SGCD: variants seen among roughly 807,000 people sequenced by gnomAD.
SGCD encodes sarcoglycan delta.
A neutral mutation model predicts 36.6 loss-of-function variants in SGCD; 18 were observed. The observed-to-expected ratio is 0.49, with a 90% CI of 0.34 to 0.73. SGCD has a LOEUF of 0.73. Among genes scored for constraint, SGCD ranks in the 30% least tolerant of loss-of-function variants. The pLI, the probability that SGCD is intolerant of heterozygous loss-of-function variation, is 0.01. For synonymous variants in SGCD, 133 were observed against 130.6 expected (o/e 1.02, Z -0.12); for missense variants, 387 against 346.7 (o/e 1.12, Z -0.92).
rs75443146 is a variant in SGCD, at chr5:156,621,539, T to G, written c.503-25925T>G. ...TACGTTAAAAAAAAAATGTGCGTTA[T>G]GGGAGCAAAGTATAAAATGCTATGG... is the stretch of plus-strand genomic sequence containing the variant. On this transcript the variant is annotated intron_variant, in intron 6 of 8. Transcript: ENST00000337851. 2.5e-3 allele frequency among the ~76,000 whole-genome samples: 382 copies of G among 152,216 alleles called. 1 individual carries two copies. Among genetic ancestry groups the G allele is most frequent in the African/African-American group, 8.7e-3 (363 of 41,532 alleles).
At chr5:156,106,454 T>G (rs189404203) in intron 1 of SGCD, among the ~76,000 whole-genome samples, 222 of 152,322 alleles carry the variant, frequency 1.5e-3, no homozygotes, top group African/African-American at 4.9e-3. Flanking sequence ...GTTTTGTTCT[T>G]CCTTTTAAAT....
chr5:156,528,887 A>G (rs1316837131), intron 4 of SGCD, among the ~76,000 whole-genome samples: 1 of 152,208 alleles, frequency 6.6e-6, no homozygotes, highest in East Asian at 1.9e-4. Context: ...TGGCATTTCA[A>G]CATCATCTAA....
chr5:156,759,102 T>C, intron 8 of SGCD, 115 bp from the exon 9 acceptor site: 2 of 771,010 alleles, frequency 2.6e-6, no homozygotes, highest in East Asian at 2.6e-5. Context: ...AATCAACACA[T>C]AGTAGGTGCT....
intron 3 of SGCD, among the ~76,000 whole-genome samples, chr5:156,319,850 A>G (rs1456442205): frequency 1.3e-5 from 2 of 152,240 alleles, no homozygotes; most frequent in Non-Finnish European, 2.9e-5. Flanking sequence ...ACAGCTCACC[A>G]GTTGAGAGAT....
intron 1 of SGCD, among the ~76,000 whole-genome samples, chr5:155,927,395 G>A (rs970811452): frequency 1.3e-5 from 2 of 152,154 alleles, no homozygotes; most frequent in Non-Finnish European, 2.9e-5. Context: ...ACAAGTTGGA[G>A]CCAAGGAGAA....
chr5:156,713,540 G>T (rs1188037689), intron 7 of SGCD, among the ~76,000 whole-genome samples: 1 of 152,156 alleles, frequency 6.6e-6, no homozygotes, highest in Non-Finnish European at 1.5e-5. Context: ...ACGCTTCTCT[G>T]TCAGAACCTT....
Position 155,908,864 on chromosome 5 carries a change from A to C in SGCD, c.-282+38440A>C, listed in dbSNP as rs185057853. On this transcript the variant is annotated intron_variant, in intron 1 of 9. Coordinates refer to the SGCD transcript ENST00000517913. ...TGGCAACCCTCTGTCAATGGACTTC[A>C]AAAAGCGCAATCTACCTTGCACCAT... is the stretch of plus-strand genomic sequence containing the variant. Among the ~76,000 whole-genome samples the C allele has an allele frequency of 4.2e-3, 645 of 152,242 alleles. 3 individuals are homozygous for C. The highest frequency in any genetic ancestry group is 6.4e-3 in the Non-Finnish European group (433 of 68,000).
chr5:156,234,090 T>C (rs1765093273), intron 3 of SGCD, among the ~76,000 whole-genome samples: 1 of 152,216 alleles, frequency 6.6e-6, no homozygotes, highest in Non-Finnish European at 1.5e-5. Flanking sequence ...GCTATTCTAA[T>C]AGGTGTTCGT....
intron 3 of SGCD, among the ~76,000 whole-genome samples, chr5:156,502,309 G>A (rs151059921): frequency 0.029 from 4,410 of 152,128 alleles, 97 homozygotes; most frequent in Non-Finnish European, 0.045. Flanking sequence ...GCCTCCCAAA[G>A]TGCTGGGATT....
chr5:156,647,935 A>T (rs1175740598), intron 7 of SGCD, among the ~76,000 whole-genome samples: 1 of 152,176 alleles, frequency 6.6e-6, no homozygotes, highest in East Asian at 1.9e-4. Context: ...GCTCTCTATT[A>T]CTTGGGGTGG....
intron 6 of SGCD, among the ~76,000 whole-genome samples, chr5:156,614,967 C>T (rs748254013): frequency 4.6e-5 from 7 of 152,150 alleles, no homozygotes; most frequent in Admixed American, 2.6e-4. Context: ...TTGCCACCCC[C>T]GGTTTTTCCA....
intron 1 of SGCD, among the ~76,000 whole-genome samples, chr5:156,089,726 G>A (rs1057229418): frequency 6.6e-6 from 1 of 152,188 alleles, no homozygotes; most frequent in African/African-American, 2.4e-5. Flanking sequence ...TAAGTTTTGG[G>A]ATTATTCTTA....
intron 1 of SGCD, among the ~76,000 whole-genome samples, chr5:155,982,157 C>T (rs959685328): frequency 7.2e-5 from 11 of 152,092 alleles, no homozygotes; most frequent in African/African-American, 1.7e-4. Flanking sequence ...GCCTTGAAGG[C>T]GCTATGAGAG....
chr5:156,643,586 G>A (rs1763121334), intron 6 of SGCD, among the ~76,000 whole-genome samples: 1 of 152,034 alleles, frequency 6.6e-6, no homozygotes, highest in Non-Finnish European at 1.5e-5. Context: ...CACCCAAATG[G>A]AGAAATAATA....
At chr5:155,814,109 T>C in the SGCD span, among the ~76,000 whole-genome samples, 1 of 152,246 alleles carries the variant, frequency 6.6e-6, no homozygotes, top group African/African-American at 2.4e-5. Context: ...ATCCCTCATC[T>C]AGTCTTAAGG....
intron 1 of SGCD, among the ~76,000 whole-genome samples, chr5:155,879,017 G>T (rs563377404): frequency 6.6e-6 from 1 of 152,028 alleles, no homozygotes; most frequent in African/African-American, 2.4e-5. Context: ...TCATACCACA[G>T]AGTGAAATTC....
rs184540241 is a variant in SGCD at position 156,593,344 on chromosome 5, C to T, written c.383-1588C>T. On this transcript the variant is annotated intron_variant, in intron 5 of 8. Transcript: ENST00000337851. ...CTTCAATGTAATTTTTCAGAACACGCGCACCAGACAAGGCTGTTCAGTGGC... is the reference window on the plus strand; with the variant it reads ...CTTCAATGTAATTTTTCAGAACACGTGCACCAGACAAGGCTGTTCAGTGGC... Among the ~76,000 whole-genome samples, 11 of 152,246 alleles carry T rather than the reference C, an allele frequency of 7.2e-5. 1 individual carries two copies. In the East Asian group the frequency reaches 7.7e-4, roughly 11 times the overall value.
At chr5:156,649,407 C>G (rs1177508442) in intron 7 of SGCD, among the ~76,000 whole-genome samples, 3 of 152,144 alleles carry the variant, frequency 2.0e-5, no homozygotes, top group South Asian at 2.1e-4. Flanking sequence ...AAGACACATG[C>G]ACACATATAT....
chr5:155,868,362 T>C (rs1755567080), upstream of SGCD, among the ~76,000 whole-genome samples: 2 of 33,446 alleles, frequency 6.0e-5, no homozygotes, highest in Non-Finnish European at 8.9e-5. Context: ...CTTTTTTTCT[T>C]TTTTTTTTTT....
Sources: gnomAD v4.1 joint callset for allele counts (sites outside exome capture counted in the v4.1 genomes callset) on GRCh38, gnomAD v4.1.1 for gene constraint, MANE v1.5 for transcripts, NCBI Gene and HGNC (gene_info 2026-07-23, HGNC 2026-07-21) for gene names.